Variants in DYNC2I1 observed in about 807,000 individuals in gnomAD.
The protein encoded by DYNC2I1 is cytoplasmic dynein 2 intermediate chain 1.
A neutral mutation model predicts 133.4 loss-of-function variants in DYNC2I1; 89 were observed. The ratio of observed to expected loss-of-function variants is 0.67; its 90% confidence interval spans 0.56 to 0.80. The LOEUF (loss-of-function observed/expected upper bound fraction) is 0.80, where lower values mean the gene tolerates loss of function less well. DYNC2I1 is among the 30% of genes least tolerant of loss of function. The probability of loss-of-function intolerance (pLI) is 0.00; values close to 1 mark genes in which losing one functional copy is unlikely to be tolerated. For missense variants in DYNC2I1, 1,291 were observed against 1,314.5 expected (o/e 0.98, Z 0.28); for synonymous variants, 504 against 484.3 (o/e 1.04, Z -0.54).
chr7:158,876,345 G>A (rs926537572), intron 3 of DYNC2I1, among the ~76,000 whole-genome samples: 3 of 152,154 alleles, frequency 2.0e-5, no homozygotes, highest in Admixed American at 1.3e-4. Context: ...CAGCATTGGG[G>A]ACTACATTTC....
At chr7:158,940,242 C>G (rs569212080) in intron 23 of DYNC2I1, among the ~76,000 whole-genome samples, 23 of 152,242 alleles carry the variant, frequency 1.5e-4, no homozygotes, top group African/African-American at 5.5e-4. Context: ...TGTTCCACCT[C>G]AGATCATCAG....
intron 17 of DYNC2I1, among the ~76,000 whole-genome samples, chr7:158,925,871 CTCTG>C (rs531384493): frequency 3.0e-3 from 450 of 152,268 alleles, no homozygotes; most frequent in Non-Finnish European, 5.5e-3. Flanking sequence ...CAGAGACTTT[CTCTG>C]TCTGAGTTTT....
At chr7:158,841,301 G>A in the DYNC2I1 span, among the ~76,000 whole-genome samples, 1 of 149,812 alleles carries the variant, frequency 6.7e-6, no homozygotes, top group African/African-American at 2.5e-5. Flanking sequence ...CCACCTCCCG[G>A]GTTCAAGCAA....
chr7:158,869,812 A>G, intron 1 of DYNC2I1, 43 bp from the exon 2 acceptor site: 1 of 1,524,802 alleles, frequency 6.6e-7, no homozygotes, highest in Non-Finnish European at 8.9e-7. Context: ...AACACTGAAA[A>G]TAAATTATTT....
chr7:158,900,187 T>C (rs984388591), intron 8 of DYNC2I1, among the ~76,000 whole-genome samples: 3 of 151,686 alleles, frequency 2.0e-5, no homozygotes, highest in African/African-American at 4.8e-5. Context: ...AATGGTGCGA[T>C]CTCAGCTCGC....
At chr7:158,860,592 CTTTAA>C (rs1191741616) in intron 1 of DYNC2I1, among the ~76,000 whole-genome samples, 7 of 152,124 alleles carry the variant, frequency 4.6e-5, no homozygotes, top group East Asian at 3.8e-4. Context: ...TTTCAAAACT[CTTTAA>C]TTTATCTTGT....
chr7:158,943,120 T>C (rs970323041), intron 24 of DYNC2I1, among the ~76,000 whole-genome samples: 3 of 152,224 alleles, frequency 2.0e-5, no homozygotes, highest in Non-Finnish European at 4.4e-5. Flanking sequence ...AATAGAATGT[T>C]GGGGGTATCC....
At chr7:158,901,159 C>G (rs1022238842) in intron 8 of DYNC2I1, among the ~76,000 whole-genome samples, 1 of 152,180 alleles carries the variant, frequency 6.6e-6, no homozygotes, top group Non-Finnish European at 1.5e-5. Flanking sequence ...CAACGTCTGC[C>G]TCCCAGGCTC....
the DYNC2I1 span, among the ~76,000 whole-genome samples, chr7:158,841,464 C>A: frequency 6.6e-6 from 1 of 151,992 alleles, no homozygotes; most frequent in African/African-American, 2.4e-5. Context: ...TCGCCTGCCT[C>A]AGCCTTCCAA....
chr7:158,930,485 T>A lies in DYNC2I1; in HGVS notation c.2516T>A (p.Val839Glu). ...GLMPGGRVKL[V>E]HSALIQLGDS... ...ATGCCTGGAGGGAGGGTCAAGCTGG[T>A]ACATAGTGCTCTGATCCAGTTGGGT... is the stretch of plus-strand genomic sequence containing the variant. Residue 839 changes from valine (V) to glutamate (E), a missense_variant, in exon 21 of 25, where the codon GTA (valine) becomes GAA (glutamate). Val to Glu is a moderately radical substitution (Grantham distance 121). Transcript: ENST00000407559. 1.2e-6 allele frequency: 2 copies of A among 1,613,122 alleles called. No individual in the cohort carries two copies. The highest frequency in any genetic ancestry group is 1.7e-6 in the Non-Finnish European group (2 of 1,179,646).
the DYNC2I1 span, among the ~76,000 whole-genome samples, chr7:158,847,597 T>A: frequency 6.6e-6 from 1 of 152,152 alleles, no homozygotes; most frequent in Non-Finnish European, 1.5e-5. Context: ...GGCAGTTAGC[T>A]CACTGAATGC....
In DYNC2I1 at chr7:158,945,895, T is replaced by C. The variant is rs1272365535; in HGVS notation, c.*116T>C. 2.1e-6 allele frequency: 2 copies of C among 968,354 alleles called. No homozygotes were observed. The highest frequency in any genetic ancestry group is 3.4e-5 in the African/African-American group (2 of 58,580). 60.0% of individuals were successfully genotyped at this position (968,354 alleles called of 1,614,324 possible). ...ATGTATATAGACTATGTATATTCTG[T>C]ATATAATTTATTTTACATGAATATG... On this transcript the variant is annotated 3_prime_UTR_variant, in exon 25 of 25. Coordinates refer to ENST00000407559, the MANE Select transcript of DYNC2I1 (RefSeq NM_018051.5). The surrounding 1 kb of genome is among the most constrained non-coding windows in gnomAD (Gnocchi z 4.1).
chr7:158,914,105 A>C, intron 13 of DYNC2I1, 128 bp from the exon 14 acceptor site: 3 of 610,084 alleles, frequency 4.9e-6, no homozygotes, highest in Non-Finnish European at 8.4e-6. Context: ...TATAGCTTGA[A>C]GTTTTCTGTC....
At chr7:158,916,996 G>T in intron 14 of DYNC2I1, among the ~76,000 whole-genome samples, 1 of 66,230 alleles carries the variant, frequency 1.5e-5, no homozygotes. Context: ...TGACATTAAG[G>T]ATGATTGTGA....
At chr7:158,861,828 C>T (rs1841892396) in intron 1 of DYNC2I1, among the ~76,000 whole-genome samples, 1 of 152,164 alleles carries the variant, frequency 6.6e-6, no homozygotes, top group African/African-American at 2.4e-5. Context: ...ACTGATCATC[C>T]TAGTTTTCTT....
chr7:158,956,320 TCTGGGAGCAG>T (rs1208654052), intron 4 of DYNC2I1, among the ~76,000 whole-genome samples: 1 of 152,212 alleles, frequency 6.6e-6, no homozygotes, highest in African/African-American at 2.4e-5. Flanking sequence ...CCTCCCTTCG[TCTGGGAGCAG>T]CTGTCCTCCC....
intron 11 of DYNC2I1, among the ~76,000 whole-genome samples, chr7:158,910,254 C>T (rs1033083366): frequency 1.3e-5 from 2 of 152,238 alleles, no homozygotes; most frequent in East Asian, 1.9e-4. Flanking sequence ...GTGGGTGCGG[C>T]GTTTCGGGGC....
chr7:158,876,144 C>T (rs1452672718), intron 3 of DYNC2I1, among the ~76,000 whole-genome samples: 2 of 152,176 alleles, frequency 1.3e-5, no homozygotes, highest in South Asian at 4.1e-4. Context: ...AGGAGACTTA[C>T]AGTCTTAGGA....
At chr7:158,885,138 CTG>C (rs990318342) in intron 6 of DYNC2I1, among the ~76,000 whole-genome samples, 2 of 152,140 alleles carry the variant, frequency 1.3e-5, no homozygotes, top group Non-Finnish European at 2.9e-5. Context: ...CCTCTGCCCA[CTG>C]TTTATCACTT....
Sources: gnomAD v4.1 joint callset for allele counts (sites outside exome capture counted in the v4.1 genomes callset) on GRCh38, gnomAD v4.1.1 for gene constraint, Gnocchi (gnomAD v3.1) non-coding constraint, MANE v1.5 for transcripts, NCBI Gene and HGNC (gene_info 2026-07-23, HGNC 2026-07-21) for gene names.